The following TRMT11 variants were observed in gnomAD, a reference collection of about 807,000 sequenced individuals.
TRMT11 encodes tRNA (guanine(10)-N(2))-methyltransferase TRMT11.
Under a neutral mutation model 62.8 loss-of-function variants are expected in TRMT11, and 53 were observed. That is an observed-to-expected ratio of 0.84 (90% CI 0.68 to 1.06). The LOEUF is 1.06. Ranked by LOEUF, TRMT11 falls within the 50% of genes least tolerant of loss-of-function variation. The pLI is 0.00. For missense variants in TRMT11, 556 were observed against 553.4 expected (o/e 1.00, Z -0.05); for synonymous variants, 188 against 190.3 (o/e 0.99, Z 0.10).
At chr6:126,118,492 C>T (rs1436954122) in intron 21 of TRMT11, among the ~76,000 whole-genome samples, 1 of 152,088 alleles carries the variant, frequency 6.6e-6, no homozygotes, top group East Asian at 1.9e-4. Context: ...AAGAGAATTG[C>T]TATGGTTACC....
intron 8 of TRMT11, 148 bp downstream of exon 8, chr6:126,008,620 A>G (rs1793723923): frequency 1.3e-6 from 1 of 749,830 alleles, no homozygotes; most frequent in African/African-American, 1.7e-5. Flanking sequence ...CTCTTGAAAC[A>G]TCAAGGCCAA....
chr6:126,242,944 T>C, the TRMT11 span, among the ~76,000 whole-genome samples: 1 of 152,142 alleles, frequency 6.6e-6, no homozygotes, highest in Non-Finnish European at 1.5e-5. Context: ...GGGATCTAAC[T>C]AAACTAAAGA....
chr6:125,991,445 G>C (rs1465506848), intron 1 of TRMT11, among the ~76,000 whole-genome samples: 1 of 151,726 alleles, frequency 6.6e-6, no homozygotes, highest in Non-Finnish European at 1.5e-5. Flanking sequence ...GTGGAGCCGG[G>C]TGTTAATCAG....
the TRMT11 span, among the ~76,000 whole-genome samples, chr6:126,254,986 A>G: frequency 6.6e-6 from 1 of 152,236 alleles, no homozygotes; most frequent in Non-Finnish European, 1.5e-5. Context: ...TCATATGATC[A>G]TAAATCAATT....
At chr6:126,197,778 T>C (rs534749219) in intron 1 of TRMT11, among the ~76,000 whole-genome samples, 1 of 152,142 alleles carries the variant, frequency 6.6e-6, no homozygotes, top group Non-Finnish European at 1.5e-5. Flanking sequence ...CTTTGTTCCT[T>C]TGAGTGTCAT....
intron 2 of TRMT11, among the ~76,000 whole-genome samples, chr6:125,994,745 A>G (rs924343763): frequency 6.6e-6 from 1 of 152,240 alleles, no homozygotes; most frequent in South Asian, 2.1e-4. Context: ...GAAAATGTAC[A>G]TATACACCAT....
At chr6:126,075,125 CAT>C (rs1447826321) in intron 17 of TRMT11, among the ~76,000 whole-genome samples, 3 of 152,114 alleles carry the variant, frequency 2.0e-5, no homozygotes, top group South Asian at 2.1e-4. Context: ...AAGAAAAACA[CAT>C]ATTGTCTGCA....
intron 21 of TRMT11, among the ~76,000 whole-genome samples, chr6:126,168,907 A>G (rs1393663555): frequency 1.3e-5 from 2 of 152,228 alleles, no homozygotes; most frequent in Non-Finnish European, 2.9e-5. Flanking sequence ...TCATACCATT[A>G]TGTCTACTTC....
At chr6:126,237,854 G>T in the TRMT11 span, among the ~76,000 whole-genome samples, 2 of 152,144 alleles carry the variant, frequency 1.3e-5, no homozygotes, top group African/African-American at 2.4e-5. Flanking sequence ...ACTTTTTTTG[G>T]TTGGTAAGCT....
At chr6:126,069,197 T>C (rs1776776054) in intron 17 of TRMT11, among the ~76,000 whole-genome samples, 1 of 152,254 alleles carries the variant, frequency 6.6e-6, no homozygotes, top group Admixed American at 6.5e-5. Flanking sequence ...AGCACACAGC[T>C]GAACCAGGCC....
intron 21 of TRMT11, among the ~76,000 whole-genome samples, chr6:126,124,175 A>C (rs1043129829): frequency 6.6e-6 from 1 of 152,102 alleles, no homozygotes; most frequent in East Asian, 1.9e-4. Flanking sequence ...TAATAGGCTT[A>C]ATAGCATATT....
chr6:126,084,493 A>T (rs188119288), intron 17 of TRMT11, among the ~76,000 whole-genome samples: 3 of 152,082 alleles, frequency 2.0e-5, no homozygotes, highest in Non-Finnish European at 4.4e-5. Flanking sequence ...ACCCCTTATC[A>T]GATATATTCC....
chr6:126,253,948 A>G, the TRMT11 span, among the ~76,000 whole-genome samples: 1 of 152,210 alleles, frequency 6.6e-6, no homozygotes, highest in East Asian at 1.9e-4. Context: ...TCACTTCTAC[A>G]GACCCAGAGA....
At chr6:126,091,562 T>C (rs1035024283) in intron 17 of TRMT11, among the ~76,000 whole-genome samples, 37 of 152,156 alleles carry the variant, frequency 2.4e-4, no homozygotes, top group African/African-American at 8.7e-4. Flanking sequence ...AATCACTCTT[T>C]GCTCTCTTAA....
At chr6:126,201,901 A>C (rs1461066195) in intron 3 of TRMT11, 2 of 152,132 alleles carry the variant, frequency 1.3e-5, no homozygotes, top group African/African-American at 4.8e-5. Context: ...GGAAACTGCT[A>C]GCCTGTTCAA....
intron 3 of TRMT11, among the ~76,000 whole-genome samples, chr6:126,201,275 TAGAA>T (rs1175674843): frequency 6.6e-6 from 1 of 152,208 alleles, no homozygotes; most frequent in Non-Finnish European, 1.5e-5. Flanking sequence ...TTTCTGCTCA[TAGAA>T]AGAAAATCCA....
intron 12 of TRMT11, among the ~76,000 whole-genome samples, chr6:126,026,789 T>G (rs1773204252): frequency 1.3e-5 from 2 of 150,898 alleles, no homozygotes; most frequent in African/African-American, 4.9e-5. Flanking sequence ...CATGGTAGAA[T>G]GTGGTTTTTT....
At chr6:126,050,079 A>G (rs1182929970) in intron 16 of TRMT11, among the ~76,000 whole-genome samples, 1 of 152,184 alleles carries the variant, frequency 6.6e-6, no homozygotes, top group African/African-American at 2.4e-5. Flanking sequence ...CTGTAATCCC[A>G]GCACTTTGGG....
chr6:126,059,219 G>C (rs536464457), intron 17 of TRMT11, among the ~76,000 whole-genome samples: 1 of 152,072 alleles, frequency 6.6e-6, no homozygotes, highest in South Asian at 2.1e-4. Context: ...TAGTCTCCCT[G>C]TCAATGCCCA....
Sources: gnomAD v4.1 joint callset for allele counts (sites outside exome capture counted in the v4.1 genomes callset) on GRCh38, gnomAD v4.1.1 for gene constraint, MANE v1.5 for transcripts, NCBI Gene and HGNC (gene_info 2026-07-23, HGNC 2026-07-21) for gene names.